Variants in MKNK2 observed in about 807,000 individuals in gnomAD.
MKNK2 encodes the protein MAPK interacting serine/threonine kinase 2, also known as MAP kinase-interacting serine/threonine-protein kinase 2.
MKNK2 carries 54 observed loss-of-function variants against 55.0 expected under a neutral mutation model. The observed-to-expected ratio is 0.98, with a 90% CI of 0.79 to 1.23. The LOEUF (loss-of-function observed/expected upper bound fraction) is 1.23. Ranked by LOEUF, MKNK2 falls within the 50% of genes most tolerant of loss-of-function variation. MKNK2 has a pLI of 0.00. For missense variants in MKNK2, 685 were observed against 632.1 expected (o/e 1.08, Z -0.90); for synonymous variants, 323 against 256.0 (o/e 1.26, Z -2.50).
In MKNK2 at chr19:2,050,803, T is replaced by C. The variant is rs1292789506; in HGVS notation, c.49A>G (p.Lys17Glu). The C allele has an allele frequency of 4.6e-6, 7 of 1,537,396 alleles. No homozygotes were observed. Among genetic ancestry groups the C allele is most frequent in the Non-Finnish European group, 6.1e-6 (7 of 1,141,842 alleles). Residue 17 changes from lysine to glutamate, a missense_variant and splice_region_variant, in exon 2 of 14, where the codon AAG becomes GAG. Coordinates refer to ENST00000250896, the MANE Select transcript of MKNK2 (RefSeq NM_199054.3). ...CCCAAACCGACCCCGGGCCTCACCT[T>C]GAACGAACGGTGGAAACCCTGAAGT... ...AELQGFHRSF[K>E]GQNPFELAFS...
At chr19:2,043,304 C>A (rs543944780) in intron 6 of MKNK2, 107 bp from the exon 7 acceptor site, 5 of 1,083,706 alleles carry the variant, frequency 4.6e-6, no homozygotes, top group African/African-American at 1.5e-5. Context: ...GCCTGTCCAC[C>A]GGAAGCTGGG....
chr19:2,042,457 G>A lies in MKNK2; in HGVS notation c.720C>T (p.Ser240=), dbSNP rs554090324. Residue 240 remains serine (S), a synonymous_variant, in exon 10 of 14, where the codon TCC becomes TCT. Transcript: ENST00000250896. The part of the protein sequence containing the change: ...GSGIKLNGDC[S]PISTPELLTP... ...TGAGCAGCTCCGGGGTGGAGATAGG[G>A]GAGCAGTCCCCGTTGAGTTTGATGC... 3.8e-6 allele frequency: 6 copies of A among 1,590,894 alleles called. No homozygotes were observed. The South Asian group carries it at 5.7e-5, about 15-fold the overall frequency.
chr19:2,042,460 G>A lies in MKNK2; in HGVS notation c.717C>T (p.Cys239=). The change falls in exon 10 of 14, where the codon TGC becomes TGT. Residue 239 remains cysteine (C), a synonymous_variant. Transcript: ENST00000250896. ...LGSGIKLNGD[C]SPISTPELLT... The stretch of plus-strand genomic sequence containing the variant: ...GCAGCTCCGGGGTGGAGATAGGGGA[G>A]CAGTCCCCGTTGAGTTTGATGCCGC... 1 of 1,591,780 alleles carries A rather than the reference G, an allele frequency of 6.3e-7. No homozygotes were observed. The highest frequency in any genetic ancestry group is 1.1e-5 in the South Asian group (1 of 87,216).
Position 2,038,926 on chromosome 19 carries a change from G to C in MKNK2, c.*687C>G. On this transcript the variant is annotated 3_prime_UTR_variant, in exon 14 of 14. Transcript: ENST00000250896. ...GGTCGGAGGCCGAATCTGGCCACCAGGAGTCCTGGACAGACAGACGGGCCT... is the reference window on the plus strand; with the variant it reads ...GGTCGGAGGCCGAATCTGGCCACCACGAGTCCTGGACAGACAGACGGGCCT... The C allele has an allele frequency of 1.0e-6, 1 of 985,920 alleles. No individual in the cohort carries two copies. Among genetic ancestry groups the C allele is most frequent in the Non-Finnish European group, 1.2e-6 (1 of 830,016 alleles). The allele number at this position is 985,920 out of a possible 1,614,324, so 61.1% of individuals were successfully genotyped here. A position where few individuals can be genotyped will look rare whatever the true frequency, so the allele number is the denominator to read the frequency against.
intron 5 of MKNK2, among the ~76,000 whole-genome samples, chr19:2,043,972 C>T (rs1328205544): frequency 9.1e-6 from 1 of 109,920 alleles, no homozygotes; most frequent in Non-Finnish European, 1.8e-5. Flanking sequence ...TGAGACTTCG[C>T]CTCAAAAAAA....
At position 2,038,365 on chromosome 19, in the gene MKNK2, C is replaced by A; in HGVS notation, c.*1248G>T. The A allele has an allele frequency of 1.0e-6, 1 of 986,432 alleles. No homozygotes were observed. The highest frequency in any genetic ancestry group is 1.2e-6 in the Non-Finnish European group (1 of 830,412). The allele number at this position is 986,432 out of a possible 1,614,324, so 61.1% of individuals were successfully genotyped here. A position where few individuals can be genotyped will look rare whatever the true frequency, so the allele number is the denominator to read the frequency against. On this transcript the variant is annotated 3_prime_UTR_variant, in exon 14 of 14. Transcript: ENST00000250896. ...CGGGGGCTGCGCCGGGAAGGGCGGGCGGTGACCCTAGCCGCGCGCACTTCT... is the reference window on the plus strand; with the variant it reads ...CGGGGGCTGCGCCGGGAAGGGCGGGAGGTGACCCTAGCCGCGCGCACTTCT...
rs1303089493 is a variant in MKNK2, at chr19:2,039,119, G to A, written c.*494C>T. 1.0e-6 allele frequency: 1 copy of A among 988,838 alleles called. No individual in the cohort carries two copies. Among genetic ancestry groups the A allele is most frequent in the Non-Finnish European group, 1.2e-6 (1 of 831,978 alleles). 61.3% of individuals were successfully genotyped at this position (988,838 alleles called of 1,614,324 possible). ...AACCAAGCCACCAGGGGTGCTCTCA[G>A]GGTGAGGGATAGAGGGGAAGAGCCT... On this transcript the variant is annotated 3_prime_UTR_variant, in exon 14 of 14. Coordinates refer to ENST00000250896, the MANE Select transcript of MKNK2 (RefSeq NM_199054.3).
At chr19:2,040,034 C>T in intron 13 of MKNK2, 100 bp downstream of exon 13, 1 of 1,441,036 alleles carries the variant, frequency 6.9e-7, no homozygotes, top group Non-Finnish European at 9.6e-7. Context: ...TTGCCTGCCT[C>T]CCCGACCCCA....
chr19:2,050,619 G>A (rs2017094233), intron 2 of MKNK2, among the ~76,000 whole-genome samples, 182 bp downstream of exon 2: 1 of 152,188 alleles, frequency 6.6e-6, no homozygotes, highest in African/African-American at 2.4e-5. Context: ...GTGGCCTGCT[G>A]AACCCCCATC....
chr19:2,043,038 AG>A, intron 7 of MKNK2, 85 bp downstream of exon 7: 1 of 1,329,300 alleles, frequency 7.5e-7, no homozygotes, highest in Non-Finnish European at 1.1e-6. Context: ...TCACCCCACA[AG>A]CCCCCTCCTG....
intron 11 of MKNK2, 24 bp from the exon 12 acceptor site, chr19:2,041,228 G>A (rs368960332): frequency 5.0e-6 from 8 of 1,598,072 alleles, no homozygotes; most frequent in African/African-American, 1.3e-5. Context: ...ACACAGGGGA[G>A]CTTAGACCTG....
At chr19:2,049,729 C>T (rs73512313) in intron 2 of MKNK2, among the ~76,000 whole-genome samples, 4 of 152,350 alleles carry the variant, frequency 2.6e-5, no homozygotes, top group Admixed American at 1.3e-4. Flanking sequence ...TCCTCTTTCC[C>T]GCCCAGCCCC....
At position 2,046,688 on chromosome 19, in the gene MKNK2, G is replaced by GC; in HGVS notation, c.54dup (p.Gln19AlafsTer19). On this transcript the variant is annotated frameshift_variant, in exon 3 of 14. Transcript: ENST00000250896. LOFTEE classifies it high-confidence loss of function. ...GAGAAGGCCAGCTCGAAGGGGTTCT[G>GC]CCCCTGCAGGGGAGAGGAGAGGAGA... The GC allele has an allele frequency of 6.6e-7, 1 of 1,522,326 alleles. No homozygotes were observed. The highest frequency in any genetic ancestry group is 1.3e-5 in the South Asian group (1 of 79,356). The allele number at this position is 1,522,326 out of a possible 1,614,324, so 94.3% of individuals were successfully genotyped here. A position where few individuals can be genotyped will look rare whatever the true frequency, so the allele number is the denominator to read the frequency against.
chr19:2,046,766 G>C lies in MKNK2; in HGVS notation c.52-75C>G, dbSNP rs765989230. 4.1e-4 allele frequency: 492 copies of C among 1,201,384 alleles called. 2 individuals are homozygous for C. Among genetic ancestry groups the C allele is most frequent in the Middle Eastern group, 6.3e-4 (3 of 4,728 alleles). 74.4% of individuals were successfully genotyped at this position (1,201,384 alleles called of 1,614,324 possible). ...CAGCAGGGAGACCTATCCTGCCCCA[G>C]TGTCGCAGCGTCCACACTGACAAGC... On this transcript the variant is annotated intron_variant, in intron 2 of 13. Coordinates refer to ENST00000250896, the MANE Select transcript of MKNK2 (RefSeq NM_199054.3).
Position 2,038,417 on chromosome 19 carries a change from C to T in MKNK2, c.*1196G>A. 5.1e-6 allele frequency: 5 copies of T among 985,532 alleles called. No homozygotes were observed. Among genetic ancestry groups the T allele is most frequent in the African/African-American group, 1.7e-5 (1 of 57,286 alleles). The allele number at this position is 985,532 out of a possible 1,614,324, so 61.0% of individuals were successfully genotyped here. ...AAGTGGAACCCTGTATTGCATAGAA[C>T]GTCCCCACCCGCGGGGAGGGGGCAG... On this transcript the variant is annotated 3_prime_UTR_variant, in exon 14 of 14. Coordinates refer to ENST00000250896, the MANE Select transcript of MKNK2 (RefSeq NM_199054.3).
rs369860630 is a variant in MKNK2, at chr19:2,043,416, C to T, written c.419+87G>A. 41 of 1,322,566 alleles carry T rather than the reference C, an allele frequency of 3.1e-5. No individual in the cohort carries two copies. In the Admixed American group the frequency reaches 3.3e-4, roughly 11 times the overall value. The allele number at this position is 1,322,566 out of a possible 1,614,324, so 81.9% of individuals were successfully genotyped here. On this transcript the variant is annotated intron_variant, in intron 6 of 13. Transcript: ENST00000250896. Reference sequence around the variant, plus strand: ...CCTGGGAAACTGGGTGCCCTACAGACGCTTGCTGGGGGTGATGTGGCACTC... The same window carrying T: ...CCTGGGAAACTGGGTGCCCTACAGATGCTTGCTGGGGGTGATGTGGCACTC...
At chr19:2,043,378 G>C in intron 6 of MKNK2, 125 bp downstream of exon 6, 2 of 1,053,156 alleles carry the variant, frequency 1.9e-6, no homozygotes, top group South Asian at 1.3e-5. Context: ...GCTTCAGGGA[G>C]GGGAATGCAG....
chr19:2,046,248 C>T lies in MKNK2; in HGVS notation c.277G>A (p.Gly93Ser). ...YQLQEDVLGE[G>S]AHARVQTCIN... ...CAGGTCTGCACTCGGGCATGAGCGC[C>T]CTCCCCCAGCACATCTTCCTGCAGC... is the stretch of plus-strand genomic sequence containing the variant. The change falls in exon 5 of 14, where the codon GGC becomes AGC. Residue 93 changes from glycine (G) to serine (S), a missense_variant. Transcript: ENST00000250896. 6.2e-7 allele frequency: 1 copy of T among 1,606,070 alleles called. No homozygotes were observed. The highest frequency in any genetic ancestry group is 8.5e-7 in the Non-Finnish European group (1 of 1,179,918).
In MKNK2 at chr19:2,037,609, C is replaced by G; in HGVS notation, c.*2004G>C. ...ATTAAAGTGCTTGGATGTTTTTCCC[C>G]CACTTTAAAAAAACTTTTGAGGTTT... On this transcript the variant is annotated 3_prime_UTR_variant, in exon 14 of 14. Transcript: ENST00000250896. 3 of 685,226 alleles carry G rather than the reference C, an allele frequency of 4.4e-6. No homozygotes were observed. The highest frequency in any genetic ancestry group is 6.5e-6 in the Non-Finnish European group (3 of 463,488). 42.4% of individuals were successfully genotyped at this position (685,226 alleles called of 1,614,324 possible). A position where few individuals can be genotyped will look rare whatever the true frequency, so the allele number is the denominator to read the frequency against.
Sources: allele counts gnomAD v4.1 joint callset (sites outside exome capture counted in the v4.1 genomes callset), GRCh38; gene constraint gnomAD v4.1.1; transcripts MANE v1.5; gene names NCBI Gene and HGNC (gene_info 2026-07-23, HGNC 2026-07-21).